The following FNTB variants were observed in gnomAD, a reference collection of about 807,000 sequenced individuals.
The protein encoded by FNTB is farnesyltransferase, CAAX box, subunit beta, also known as protein farnesyltransferase subunit beta.
Under a neutral mutation model 59.4 loss-of-function variants are expected in FNTB, and 27 were observed. That is an observed-to-expected ratio of 0.45 (90% CI 0.34 to 0.63). FNTB has a LOEUF of 0.63. Among genes scored for constraint, FNTB ranks in the 20% least tolerant of loss-of-function variants. The probability of loss-of-function intolerance (pLI) is 0.02; values close to 1 mark genes in which losing one functional copy is unlikely to be tolerated. For synonymous variants in FNTB, 230 were observed against 220.7 expected (o/e 1.04, Z -0.37); for missense variants, 449 against 559.6 (o/e 0.80, Z 1.99).
chr14:65,054,510 G>A lies in FNTB; in HGVS notation c.1068-65G>A. ...TTGCACCAGTGGTCTCTGAATTGGT[G>A]TGGCTACATTTGTAGATGTGTGCGG... On this transcript the variant is annotated intron_variant, in intron 10 of 11. Transcript: ENST00000246166. The surrounding 1 kb of genome is among the most constrained non-coding windows in gnomAD (Gnocchi z 4.4). The A allele has an allele frequency of 2.0e-6, 3 of 1,503,882 alleles. No individual in the cohort carries two copies. The highest frequency in any genetic ancestry group is 2.7e-6 in the Non-Finnish European group (3 of 1,102,126). The allele number at this position is 1,503,882 out of a possible 1,614,324, so 93.2% of individuals were successfully genotyped here.
At chr14:65,042,106 G>A (rs932490263) in intron 8 of FNTB, among the ~76,000 whole-genome samples, 20 of 151,910 alleles carry the variant, frequency 1.3e-4, no homozygotes, top group Non-Finnish European at 2.4e-4. Context: ...ATAAATGTTA[G>A]TGTCCCTCTA....
At chr14:65,046,969 G>T (rs1482545095) in intron 9 of FNTB, among the ~76,000 whole-genome samples, 1 of 151,996 alleles carries the variant, frequency 6.6e-6, no homozygotes, top group African/African-American at 2.4e-5. Flanking sequence ...AAGCAAAAAG[G>T]TGCGAAAAAT....
rs1017959716 is a variant in FNTB, at chr14:65,014,696, C to G, written c.283-929C>G. Among the ~76,000 whole-genome samples the G allele has an allele frequency of 5.9e-5, 9 of 152,096 alleles. No homozygotes were observed. Among genetic ancestry groups the G allele is most frequent in the Non-Finnish European group, 8.8e-5 (6 of 68,026 alleles). ...AGGCATAGTGGTGTGTGCCCGTAGT[C>G]CCAGCTACTTAGGAGGCTGAGGTGG... On this transcript the variant is annotated intron_variant, in intron 3 of 11. Transcript: ENST00000246166. This position sits in a 1 kb window ranked among gnomAD's most constrained non-coding sequence, Gnocchi z 5.1.
intron 7 of FNTB, among the ~76,000 whole-genome samples, chr14:65,038,332 C>A (rs1463915735): frequency 6.6e-6 from 1 of 151,778 alleles, no homozygotes; most frequent in Non-Finnish European, 1.5e-5. Context: ...ATTGCTTGAA[C>A]CCAGGAGGCA....
intron 9 of FNTB, among the ~76,000 whole-genome samples, chr14:65,045,192 G>C (rs1231217825): frequency 6.6e-6 from 1 of 152,144 alleles, no homozygotes; most frequent in East Asian, 1.9e-4. Flanking sequence ...TGGTGTACTT[G>C]ATGTGAGAGC....
Position 65,027,701 on chromosome 14 carries a change from G to A in FNTB, c.525G>A (p.Glu175=). 1 of 1,614,208 alleles carries A rather than the reference G, an allele frequency of 6.2e-7. No homozygotes were observed. Among genetic ancestry groups the A allele is most frequent in the Non-Finnish European group, 8.5e-7 (1 of 1,180,050 alleles). Residue 175 remains glutamate, a synonymous_variant, in exon 6 of 12, where the codon GAG becomes GAA. Transcript: ENST00000246166. The surrounding 1 kb of genome is among the most constrained non-coding windows in gnomAD (Gnocchi z 5.7). ...TEEAYDIINR[E]KLLQYLYSLK... Reference sequence around the variant, plus strand: ...TACCTCTTTCCCTGTTTCTCAGAGAGAAGCTTCTTCAGTATTTGTACTCCC... The same window carrying A: ...TACCTCTTTCCCTGTTTCTCAGAGAAAAGCTTCTTCAGTATTTGTACTCCC...
Position 65,037,403 on chromosome 14 carries a change from C to CTTTTTTTTTTTTTTTTTTTTTTTTTTTT in FNTB, c.693-3371_693-3344dup. ...TAGGCGTGAGCCACCACGCCGGGCCCTTTTTTTTTTTTTTTTTTTTTTTTT... is the reference window on the plus strand; with the variant it reads ...TAGGCGTGAGCCACCACGCCGGGCCCTTTTTTTTTTTTTTTTTTTTTTTTTTTTTTTTTTTTTTTTTTTTTTTTTTTTT... On this transcript the variant is annotated intron_variant, in intron 7 of 11. Coordinates refer to ENST00000246166, the MANE Select transcript of FNTB (RefSeq NM_002028.4). 3.4e-4 allele frequency among the ~76,000 whole-genome samples: 10 copies of CTTTTTTTTTTTTTTTTTTTTTTTTTTTT among 29,646 alleles called. 3 individuals are homozygous for CTTTTTTTTTTTTTTTTTTTTTTTTTTTT. The highest frequency in any genetic ancestry group is 1.7e-3 in the Admixed American group (4 of 2,366). The allele number at this position is 29,646 out of a possible 152,430, so 19.4% of individuals were successfully genotyped here.
intron 2 of FNTB, among the ~76,000 whole-genome samples, chr14:65,005,507 T>TTCTTTCTC (rs1459614064): frequency 1.2e-5 from 1 of 86,156 alleles, no homozygotes; most frequent in African/African-American, 5.9e-5. Flanking sequence ...CTTTCTTTCT[T>TTCTTTCTC]TCTTTCTCTC....
intron 2 of FNTB, among the ~76,000 whole-genome samples, chr14:65,010,576 C>G (rs889516695): frequency 1.3e-5 from 2 of 152,224 alleles, no homozygotes; most frequent in Non-Finnish European, 2.9e-5. Context: ...TCTGTCTGCC[C>G]ACTGCGATAT....
chr14:64,990,857 G>T lies in FNTB; in HGVS notation c.144+3760G>T, dbSNP rs377713287. Among the ~76,000 whole-genome samples the T allele has an allele frequency of 2.0e-5, 3 of 152,206 alleles. No individual in the cohort carries two copies. Among genetic ancestry groups the T allele is most frequent in the African/African-American group, 7.2e-5 (3 of 41,446 alleles). ...GACGGTGGCTTAGCTCACAGTGACGGTAGTGGAGGTAATGAGAAATGGTCA... is the reference window on the plus strand; with the variant it reads ...GACGGTGGCTTAGCTCACAGTGACGTTAGTGGAGGTAATGAGAAATGGTCA... On this transcript the variant is annotated intron_variant, in intron 1 of 11. Transcript: ENST00000246166. This position sits in a 1 kb window ranked among gnomAD's most constrained non-coding sequence, Gnocchi z 5.2.
At chr14:65,024,122 G>A (rs2061937488) in intron 4 of FNTB, among the ~76,000 whole-genome samples, 1 of 151,492 alleles carries the variant, frequency 6.6e-6, no homozygotes, top group South Asian at 2.1e-4. Context: ...AAAAAAAGAG[G>A]ACTCTCAGAC....
At chr14:65,025,598 T>G (rs1236740587) in intron 4 of FNTB, among the ~76,000 whole-genome samples, 1 of 152,174 alleles carries the variant, frequency 6.6e-6, no homozygotes, top group Non-Finnish European at 1.5e-5. Flanking sequence ...GAGGATTGCT[T>G]GAGCCCAGGA....
At chr14:64,987,186 C>A in intron 1 of FNTB, 89 bp downstream of exon 1, 1 of 1,478,980 alleles carries the variant, frequency 6.8e-7, no homozygotes, top group Non-Finnish European at 9.3e-7. Context: ...GCGGAACTCA[C>A]CGGGGAACTA....
chr14:64,998,018 A>G (rs753433528), intron 1 of FNTB, among the ~76,000 whole-genome samples: 3 of 152,340 alleles, frequency 2.0e-5, no homozygotes, highest in South Asian at 4.1e-4. Context: ...TTGAGGTGGC[A>G]TATTCTGGTC....
intron 7 of FNTB, among the ~76,000 whole-genome samples, chr14:65,033,148 G>A (rs768595256): frequency 2.6e-5 from 4 of 152,126 alleles, no homozygotes; most frequent in Non-Finnish European, 5.9e-5. Context: ...AGTTGCATCG[G>A]AATATAATGT....
At chr14:65,039,801 G>A (rs563822021) in intron 7 of FNTB, among the ~76,000 whole-genome samples, 36 of 152,066 alleles carry the variant, frequency 2.4e-4, no homozygotes, top group Admixed American at 1.2e-3. Context: ...TAAAAATAAC[G>A]TTTATTTTTT....
intron 1 of FNTB, 70 bp from the exon 2 acceptor site, chr14:65,004,179 A>G: frequency 1.3e-6 from 2 of 1,555,736 alleles, no homozygotes; most frequent in African/African-American, 1.4e-5. Context: ...TTGTGGCAAT[A>G]GGAAGAAAAA....
chr14:65,055,669 A>C (rs1303671087), intron 11 of FNTB, among the ~76,000 whole-genome samples: 4 of 151,988 alleles, frequency 2.6e-5, no homozygotes, highest in South Asian at 4.1e-4. Flanking sequence ...GGCATGCACC[A>C]CCACACCCAG....
At chr14:65,051,777 T>C (rs1173429015) in intron 9 of FNTB, among the ~76,000 whole-genome samples, 1 of 152,014 alleles carries the variant, frequency 6.6e-6, no homozygotes, top group Non-Finnish European at 1.5e-5. Context: ...CCATAAACTT[T>C]TATAATTTTC....
Sources: gnomAD v4.1 joint callset for allele counts (sites outside exome capture counted in the v4.1 genomes callset) on GRCh38, gnomAD v4.1.1 for gene constraint, Gnocchi (gnomAD v3.1) non-coding constraint, MANE v1.5 for transcripts, NCBI Gene and HGNC (gene_info 2026-07-23, HGNC 2026-07-21) for gene names.